Variants in TBCD observed in about 807,000 individuals in gnomAD.
The protein encoded by TBCD is tubulin folding cofactor D.
In TBCD, 105 loss-of-function variants were observed where a neutral mutation model predicts 169.3. The ratio of observed to expected loss-of-function variants is 0.62; its 90% confidence interval spans 0.53 to 0.73. The LOEUF (loss-of-function observed/expected upper bound fraction) is 0.73, where lower values mean the gene tolerates loss of function less well. Ranked by LOEUF, TBCD falls within the 30% of genes least tolerant of loss-of-function variation. TBCD has a pLI of 0.00. For synonymous variants in TBCD, 700 were observed against 643.9 expected (o/e 1.09, Z -1.32); for missense variants, 1,444 against 1,600.1 (o/e 0.90, Z 1.66).
intron 36 of TBCD, among the ~76,000 whole-genome samples, chr17:82,938,812 G>GGTGAGATT (rs2062853115): frequency 3.6e-5 from 5 of 138,162 alleles, no homozygotes; most frequent in South Asian, 5.1e-4. Flanking sequence ...AAAGAGAGCA[G>GGTGAGATT]GCGAGATTGC....
chr17:82,884,266 GCTC>G lies in TBCD; in HGVS notation c.1533+68_1533+70del. 1 of 1,441,664 alleles carries G rather than the reference GCTC, an allele frequency of 6.9e-7. No individual in the cohort carries two copies. Among genetic ancestry groups the G allele is most frequent in the Non-Finnish European group, 9.6e-7 (1 of 1,047,082 alleles). The allele number at this position is 1,441,664 out of a possible 1,614,324, so 89.3% of individuals were successfully genotyped here. Reference sequence around the variant, plus strand: ...GGGGGGTGGGCCTGGTCTCCCTGATGCTCCTCTGTGCACTGCTGCCTGGCCAGC... The same window carrying G: ...GGGGGGTGGGCCTGGTCTCCCTGATGCTCTGTGCACTGCTGCCTGGCCAGC... On this transcript the variant is annotated intron_variant, in intron 15 of 38. Coordinates refer to ENST00000355528, the MANE Select transcript of TBCD (RefSeq NM_005993.5). The surrounding 1 kb of genome is among the most constrained non-coding windows in gnomAD (Gnocchi z 4.2).
At position 82,893,472 on chromosome 17, in the gene TBCD, G is replaced by GTGA. The variant is rs1203438551; in HGVS notation, c.1564-73_1564-71dup. 1.1e-5 allele frequency: 13 copies of GTGA among 1,186,736 alleles called. 1 individual carries two copies. The South Asian group carries it at 1.1e-4, about 10-fold the overall frequency. 73.5% of individuals were successfully genotyped at this position (1,186,736 alleles called of 1,614,324 possible). A position where few individuals can be genotyped will look rare whatever the true frequency, so the allele number is the denominator to read the frequency against. ...TTCATGAGTGTAAATGTCTGTGGAT[G>GTGA]TGATTATTGAACTTGGTGAAATGCC... On this transcript the variant is annotated intron_variant, in intron 16 of 38. Transcript: ENST00000355528.
At position 82,832,694 on chromosome 17, in the gene TBCD, G is replaced by C; in HGVS notation, c.1318+17760G>C. The C allele has an allele frequency of 1.8e-6, 1 of 564,750 alleles. No homozygotes were observed. Among genetic ancestry groups the C allele is most frequent in the Non-Finnish European group, 3.2e-6 (1 of 316,812 alleles). 35.0% of individuals were successfully genotyped at this position (564,750 alleles called of 1,614,324 possible). A position where few individuals can be genotyped will look rare whatever the true frequency, so the allele number is the denominator to read the frequency against. Reference sequence around the variant, plus strand: ...GCGAGTGAGGGGTCGGCGAGAAGCCGGCCTCGGCTCGCCACAGTGCCACAG... The same window carrying C: ...GCGAGTGAGGGGTCGGCGAGAAGCCCGCCTCGGCTCGCCACAGTGCCACAG... On this transcript the variant is annotated intron_variant, in intron 13 of 38. Coordinates refer to ENST00000355528, the MANE Select transcript of TBCD (RefSeq NM_005993.5). This position sits in a 1 kb window ranked among gnomAD's most constrained non-coding sequence, Gnocchi z 4.9.
chr17:82,768,657 G>C, intron 5 of TBCD, 91 bp downstream of exon 5: 1 of 1,418,414 alleles, frequency 7.1e-7, no homozygotes, highest in Non-Finnish European at 9.6e-7. Context: ...GTAAGCTTCT[G>C]ATATGTATTC....
At chr17:82,840,687 C>T (rs1011783890) in intron 13 of TBCD, 1 of 152,304 alleles carries the variant, frequency 6.6e-6, no homozygotes, top group Non-Finnish European at 1.5e-5. Flanking sequence ...TGTGCACTCC[C>T]GCAAACCACC....
chr17:82,887,381 G>T lies in TBCD; in HGVS notation c.1534-2287G>T, dbSNP rs188065421. Among the ~76,000 whole-genome samples the T allele has an allele frequency of 3.9e-5, 6 of 152,020 alleles. No homozygotes were observed. In the East Asian group the frequency reaches 1.2e-3, roughly 29 times the overall value. On this transcript the variant is annotated intron_variant, in intron 15 of 38. Coordinates refer to ENST00000355528, the MANE Select transcript of TBCD (RefSeq NM_005993.5). ...GTTGCCTATTCTATTCTGTCATCTCGAGAATGCTGTGTAAATGGACTCTGT... is the reference window on the plus strand; with the variant it reads ...GTTGCCTATTCTATTCTGTCATCTCTAGAATGCTGTGTAAATGGACTCTGT...
chr17:82,772,377 A>AC, intron 5 of TBCD, 75 bp from the exon 6 acceptor site: 1 of 1,466,258 alleles, frequency 6.8e-7, no homozygotes, highest in Non-Finnish European at 9.6e-7. Context: ...TGAGGGTGGG[A>AC]CTGGTGACTG....
At chr17:82,761,041 C>T (rs540219734) in intron 2 of TBCD, among the ~76,000 whole-genome samples, 3 of 151,858 alleles carry the variant, frequency 2.0e-5, no homozygotes, top group African/African-American at 7.3e-5. Flanking sequence ...CTCACTGCAA[C>T]CTCCTTCTCC....
rs575575682 is a variant in TBCD, at chr17:82,848,662, A to G, written c.1319-21562A>G. Among the ~76,000 whole-genome samples the G allele has an allele frequency of 2.0e-5, 3 of 152,264 alleles. No homozygotes were observed. The East Asian group carries it at 5.8e-4, about 29-fold the overall frequency. ...GACAAGTAAAATGAAAAAAATTAGC[A>G]CTCAGATCTTCTTTTTTTTCATGCT... On this transcript the variant is annotated intron_variant, in intron 13 of 38. Coordinates refer to ENST00000355528, the MANE Select transcript of TBCD (RefSeq NM_005993.5).
intron 21 of TBCD, 50 bp downstream of exon 21, chr17:82,907,871 C>G: frequency 6.3e-7 from 1 of 1,584,566 alleles, no homozygotes; most frequent in Non-Finnish European, 8.6e-7. Context: ...ACAGGACCTG[C>G]CCCCTTAGGG....
intron 18 of TBCD, among the ~76,000 whole-genome samples, chr17:82,902,669 C>T (rs549377421): frequency 7.0e-4 from 107 of 152,366 alleles, no homozygotes; most frequent in African/African-American, 2.3e-3. Context: ...CACTGTGGTG[C>T]TGTGGGTTTG....
At chr17:82,897,901 C>A (rs1278014494) in intron 17 of TBCD, among the ~76,000 whole-genome samples, 1 of 151,214 alleles carries the variant, frequency 6.6e-6, no homozygotes, top group Non-Finnish European at 1.5e-5. Flanking sequence ...TCTGTTCTCC[C>A]CGGCTGGTTT....
At chr17:82,927,062 C>T (rs1271918683) in intron 28 of TBCD, 124 bp from the exon 29 acceptor site, 11 of 1,367,718 alleles carry the variant, frequency 8.0e-6, no homozygotes, top group African/African-American at 5.8e-5. Context: ...TTCTGATCTA[C>T]CCGAGGGTCC....
chr17:82,752,280 G>A lies in TBCD; in HGVS notation c.87G>A (p.Ala29=). 1 of 1,514,800 alleles carries A rather than the reference G, an allele frequency of 6.6e-7. No homozygotes were observed. 93.8% of individuals were successfully genotyped at this position (1,514,800 alleles called of 1,614,324 possible). The change falls in exon 1 of 39, where the codon GCG becomes GCA. Residue 29 remains alanine, a synonymous_variant. Transcript: ENST00000355528. ...ETLAFGAALE[A]FGESAETRAL... ...TGGCCTTTGGCGCGGCGCTGGAAGC[G>A]TTCGGCGAGAGCGCGGAGACCCGGG...
chr17:82,901,287 T>C (rs562300196), intron 18 of TBCD, among the ~76,000 whole-genome samples: 2 of 152,258 alleles, frequency 1.3e-5, no homozygotes, highest in East Asian at 3.9e-4. Flanking sequence ...GGTCAGAGGG[T>C]CCCCTCCTAG....
intron 13 of TBCD, among the ~76,000 whole-genome samples, chr17:82,818,473 G>C (rs2052125529): frequency 6.6e-6 from 1 of 152,212 alleles, no homozygotes; most frequent in Admixed American, 6.5e-5. Flanking sequence ...TTTATATAAA[G>C]CTATAGTTGG....
Position 82,887,806 on chromosome 17 carries a change from G to A in TBCD, c.1534-1862G>A, listed in dbSNP as rs546530875. ...CTTTTTGACAGGCATGTGGTGATACGTCGTTGTGGTCTTTACCTGCGTTTC... is the reference window on the plus strand; with the variant it reads ...CTTTTTGACAGGCATGTGGTGATACATCGTTGTGGTCTTTACCTGCGTTTC... On this transcript the variant is annotated intron_variant, in intron 15 of 38. Coordinates refer to ENST00000355528, the MANE Select transcript of TBCD (RefSeq NM_005993.5). Among the ~76,000 whole-genome samples, 236 of 152,278 alleles carry A rather than the reference G, an allele frequency of 1.5e-3. 1 individual carries two copies. Among genetic ancestry groups the A allele is most frequent in the African/African-American group, 5.6e-3 (231 of 41,544 alleles).
chr17:82,796,268 CTG>C (rs1167175001), intron 7 of TBCD, among the ~76,000 whole-genome samples: 4 of 152,240 alleles, frequency 2.6e-5, no homozygotes, highest in African/African-American at 9.6e-5. Context: ...AGTGTTGGCT[CTG>C]TAAACCGATG....
intron 4 of TBCD, 48 bp downstream of exon 4, chr17:82,766,416 C>G (rs1274327619): frequency 7.0e-7 from 1 of 1,432,796 alleles, no homozygotes; most frequent in Non-Finnish European, 9.7e-7. Flanking sequence ...CGTGCCTGTC[C>G]TTCCTCCCTG....
Sources: allele counts gnomAD v4.1 joint callset (sites outside exome capture counted in the v4.1 genomes callset), GRCh38; gene constraint gnomAD v4.1.1; non-coding constraint Gnocchi (gnomAD v3.1); transcripts MANE v1.5; gene names NCBI Gene and HGNC (gene_info 2026-07-23, HGNC 2026-07-21).